KAZN: variants seen among roughly 807,000 people sequenced by gnomAD.
The protein encoded by KAZN is kazrin.
A neutral mutation model predicts 87.4 loss-of-function variants in KAZN; 40 were observed. The ratio of observed to expected loss-of-function variants is 0.46; its 90% CI spans 0.36 to 0.60. The LOEUF is 0.60. Ranked by LOEUF, KAZN falls within the 20% of genes least tolerant of loss-of-function variation. The probability of loss-of-function intolerance (pLI) is 0.00; values close to 1 mark genes in which losing one functional copy is unlikely to be tolerated. For synonymous variants in KAZN, 466 were observed against 458.3 expected (o/e 1.02, Z -0.22); for missense variants, 898 against 1,073.9 (o/e 0.84, Z 2.29).
chr1:15,110,093 G>A (rs1451062091), intron 13 of KAZN, among the ~76,000 whole-genome samples: 2 of 146,466 alleles, frequency 1.4e-5, no homozygotes, highest in East Asian at 4.5e-4. Context: ...GTATATGTAT[G>A]TGTGTATGTG....
intron 1 of KAZN, among the ~76,000 whole-genome samples, chr1:14,853,232 A>G (rs1328880585): frequency 6.6e-6 from 1 of 152,178 alleles, no homozygotes; most frequent in Non-Finnish European, 1.5e-5. Context: ...ATCACAACAC[A>G]GTGTGACGAC....
At chr1:14,551,730 C>G (rs77275224) in intron 2 of KAZN, among the ~76,000 whole-genome samples, 19 of 152,258 alleles carry the variant, frequency 1.2e-4, no homozygotes, top group East Asian at 1.2e-3. Context: ...AACCTGGTCC[C>G]CATGCTCAAA....
intron 1 of KAZN, among the ~76,000 whole-genome samples, chr1:13,959,996 T>A (rs538128221): frequency 6.6e-6 from 1 of 152,188 alleles, no homozygotes; most frequent in Non-Finnish European, 1.5e-5. Context: ...TCTATTTTCA[T>A]GTGTATTTGA....
At chr1:13,900,063 G>A (rs1449295708) in intron 1 of KAZN, among the ~76,000 whole-genome samples, 1 of 152,190 alleles carries the variant, frequency 6.6e-6, no homozygotes. Flanking sequence ...GTAGCTGCTA[G>A]CATGATGAAA....
At chr1:14,431,779 G>A (rs1666085661) in intron 2 of KAZN, among the ~76,000 whole-genome samples, 2 of 152,156 alleles carry the variant, frequency 1.3e-5, no homozygotes, top group African/African-American at 4.8e-5. Context: ...TTGCACCAGT[G>A]GCCTCCAGGG....
chr1:15,100,690 T>A (rs1037090725), intron 10 of KAZN, among the ~76,000 whole-genome samples: 2 of 152,194 alleles, frequency 1.3e-5, no homozygotes, highest in African/African-American at 4.8e-5. Flanking sequence ...GACCTGGCAG[T>A]GCAGTGGTAA....
intron 1 of KAZN, among the ~76,000 whole-genome samples, chr1:14,952,316 C>A (rs898009593): frequency 3.3e-5 from 5 of 150,338 alleles, no homozygotes; most frequent in Admixed American, 3.3e-4. Context: ...TCACACAGAC[C>A]CCTCGCTATC....
intron 1 of KAZN, among the ~76,000 whole-genome samples, chr1:14,885,805 G>A (rs1189684528): frequency 6.6e-6 from 1 of 152,020 alleles, no homozygotes; most frequent in African/African-American, 2.4e-5. Context: ...CAATCCTCTT[G>A]CAAAGCCCAG....
chr1:14,529,910 T>C (rs1285730463), intron 2 of KAZN, among the ~76,000 whole-genome samples: 4 of 152,166 alleles, frequency 2.6e-5, no homozygotes, highest in Non-Finnish European at 1.5e-5. Context: ...CATGCTTTTA[T>C]GACAAAAGCA....
intron 1 of KAZN, among the ~76,000 whole-genome samples, chr1:14,912,962 T>C (rs963289282): frequency 6.6e-6 from 1 of 152,196 alleles, no homozygotes. Context: ...CCAGTCATAC[T>C]GACTGGCCCA....
intron 2 of KAZN, among the ~76,000 whole-genome samples, chr1:14,463,535 T>A (rs1400256981): frequency 6.6e-6 from 1 of 152,218 alleles, no homozygotes; most frequent in African/African-American, 2.4e-5. Context: ...CAGTAAGCAC[T>A]CAATAAATGT....
chr1:13,934,036 G>A (rs987745666), intron 1 of KAZN, among the ~76,000 whole-genome samples: 4 of 152,184 alleles, frequency 2.6e-5, no homozygotes, highest in South Asian at 2.1e-4. Context: ...ATACCTCCAC[G>A]CCTTTGAATA....
At chr1:14,858,203 C>CTTTTTTTTTTTTTTTTTTT (rs1388659468) in intron 1 of KAZN, among the ~76,000 whole-genome samples, 1 of 95,096 alleles carries the variant, frequency 1.1e-5, no homozygotes, top group African/African-American at 5.3e-5. Context: ...TTTCTTTTTT[C>CTTTTTTTTTTTTTTTTTTT]TTTTTCTTTT....
At chr1:14,401,384 C>A (rs546892772) in intron 2 of KAZN, among the ~76,000 whole-genome samples, 1 of 150,892 alleles carries the variant, frequency 6.6e-6, no homozygotes, top group Non-Finnish European at 1.5e-5. Flanking sequence ...TTATATCATT[C>A]CAGGTCAATC....
chr1:13,899,938 C>A (rs1425396234), intron 1 of KAZN, among the ~76,000 whole-genome samples: 1 of 152,058 alleles, frequency 6.6e-6, no homozygotes, highest in Admixed American at 6.5e-5. Context: ...TGTCTTTGGA[C>A]CCTCTGTGCC....
At chr1:14,887,023 A>C (rs1042677201) in intron 1 of KAZN, among the ~76,000 whole-genome samples, 2 of 151,696 alleles carry the variant, frequency 1.3e-5, no homozygotes, top group African/African-American at 4.9e-5. Flanking sequence ...CCCCCCACCT[A>C]CCCCCACGAG....
intron 2 of KAZN, among the ~76,000 whole-genome samples, chr1:14,487,925 G>C (rs895036694): frequency 2.0e-5 from 3 of 152,178 alleles, no homozygotes; most frequent in Admixed American, 6.5e-5. Flanking sequence ...GATTCAGTTG[G>C]GATGTGCTGA....
chr1:14,932,574 C>T (rs1045650675), intron 1 of KAZN, among the ~76,000 whole-genome samples: 25 of 152,102 alleles, frequency 1.6e-4, no homozygotes, highest in African/African-American at 6.0e-4. Flanking sequence ...CTAGAGGCTC[C>T]CATGTTGGAG....
intron 1 of KAZN, among the ~76,000 whole-genome samples, chr1:14,703,509 T>A (rs1429046091): frequency 6.6e-6 from 1 of 152,256 alleles, no homozygotes; most frequent in Admixed American, 6.5e-5. Flanking sequence ...GCCATGATTG[T>A]CAGTTTCCTG....
Sources: allele counts gnomAD v4.1 joint callset (sites outside exome capture counted in the v4.1 genomes callset), GRCh38; gene constraint gnomAD v4.1.1; transcripts MANE v1.5; gene names NCBI Gene and HGNC (gene_info 2026-07-23, HGNC 2026-07-21).